The following PKP2 variants were observed in gnomAD, a reference collection of about 807,000 sequenced individuals.
The protein encoded by PKP2 is plakophilin 2, also known as plakophilin-2.
PKP2 carries 73 observed loss-of-function variants against 83.4 expected under a neutral mutation model. That is an observed-to-expected ratio of 0.88 (90% CI 0.72 to 1.06). PKP2 has a LOEUF of 1.06. Ranked by LOEUF, PKP2 falls within the 50% of genes least tolerant of loss-of-function variation. The pLI is 0.00. For missense variants in PKP2, 966 were observed against 1,065.4 expected, an observed-to-expected ratio of 0.91 and a Z score of 1.30; for synonymous variants, 409 against 430.4, an observed-to-expected ratio of 0.95 and a Z score of 0.62.
rs1212157546 is a variant in PKP2, at chr12:32,791,380, GTGA to G, written c.*1041_*1043del. 6.6e-6 allele frequency: 1 copy of G among 152,136 alleles called. No individual in the cohort carries two copies. The highest frequency in any genetic ancestry group is 1.5e-5 in the Non-Finnish European group (1 of 68,032). The allele number at this position is 152,136 out of a possible 1,614,324, so 9.4% of individuals were successfully genotyped here. On this transcript the variant is annotated 3_prime_UTR_variant, in exon 13 of 13. Coordinates refer to ENST00000340811, the MANE Select transcript of PKP2 (RefSeq NM_001005242.3). ...AGATCATATGAGATCTAGTGGCTCTGTGATATTTCTTAAATGGTGGGCAAGGCT... is the reference window on the plus strand; with the variant it reads ...AGATCATATGAGATCTAGTGGCTCTGTATTTCTTAAATGGTGGGCAAGGCT...
At chr12:32,850,349 C>T (rs1418908954) in intron 5 of PKP2, among the ~76,000 whole-genome samples, 1 of 152,020 alleles carries the variant, frequency 6.6e-6, no homozygotes, top group Non-Finnish European at 1.5e-5. Flanking sequence ...GTCAGGAGTT[C>T]GAGACCAGCC....
intron 6 of PKP2, among the ~76,000 whole-genome samples, chr12:32,830,372 CA>C (rs2137802271): frequency 6.6e-6 from 1 of 152,222 alleles, no homozygotes; most frequent in African/African-American, 2.4e-5. Flanking sequence ...AACTCGATGC[CA>C]AAAGAAGGCT....
intron 10 of PKP2, among the ~76,000 whole-genome samples, chr12:32,801,414 C>T (rs1012931030): frequency 1.8e-4 from 27 of 152,234 alleles, no homozygotes; most frequent in African/African-American, 2.4e-4. Flanking sequence ...GTGCCTATGG[C>T]GAGGTCTCTT....
intron 4 of PKP2, among the ~76,000 whole-genome samples, chr12:32,863,848 C>CA (rs34298556): frequency 1.3e-5 from 2 of 152,178 alleles, no homozygotes; most frequent in Non-Finnish European, 2.9e-5. Context: ...ACCCACAACT[C>CA]AAAATCAGAC....
chr12:32,857,583 C>A (rs937587587), intron 4 of PKP2, among the ~76,000 whole-genome samples: 2 of 152,152 alleles, frequency 1.3e-5, no homozygotes, highest in Admixed American at 6.5e-5. Context: ...TTCTCTTATA[C>A]ATACATTTAA....
chr12:32,857,452 G>A (rs1224638888), intron 4 of PKP2, among the ~76,000 whole-genome samples: 1 of 151,844 alleles, frequency 6.6e-6, no homozygotes, highest in Non-Finnish European at 1.5e-5. Context: ...GAGAGAGAGA[G>A]AGAGATCAAC....
In PKP2 at chr12:32,828,579, T is replaced by C. The variant is rs546706437; in HGVS notation, c.1557-4417A>G. Among the ~76,000 whole-genome samples, 303 of 152,352 alleles carry C rather than the reference T, an allele frequency of 2.0e-3. 1 individual carries two copies. The highest frequency in any genetic ancestry group is 7.0e-3 in the African/African-American group (291 of 41,590). On this transcript the variant is annotated intron_variant, in intron 6 of 12. Coordinates refer to ENST00000340811, the MANE Select transcript of PKP2 (RefSeq NM_001005242.3). The stretch of plus-strand genomic sequence containing the variant: ...AATTTCATTCTGGGAAATTCTGACC[T>C]GTGATTCTCATTTAAAATCAGAATT...
rs1381212810 is a variant in PKP2, at chr12:32,841,008, C to G, written c.1556+20G>C. The G allele has an allele frequency of 6.3e-7, 1 of 1,597,520 alleles. No homozygotes were observed. The highest frequency in any genetic ancestry group is 1.7e-5 in the Admixed American group (1 of 59,972). Reference sequence around the variant, plus strand: ...TTTTTTATTGCATCTTCTATCAGGGCAGGGTACAGGTAGCATTACCTTAGG... The same window carrying G: ...TTTTTTATTGCATCTTCTATCAGGGGAGGGTACAGGTAGCATTACCTTAGG... On this transcript the variant is annotated intron_variant, in intron 6 of 12. Coordinates refer to ENST00000340811, the MANE Select transcript of PKP2 (RefSeq NM_001005242.3).
At chr12:32,798,354 C>G (rs10844356) in intron 10 of PKP2, among the ~76,000 whole-genome samples, 31,213 of 151,654 alleles carry the variant, frequency 0.21, 3,878 homozygotes, top group East Asian at 0.57. Context: ...GCCTCCCAAA[C>G]TGCTGGGATT....
chr12:32,796,168 T>A lies in PKP2; in HGVS notation c.2298A>T (p.Ala766=), dbSNP rs770999774. The change falls in exon 11 of 13, where the codon GCA becomes GCT. Residue 766 remains alanine, a synonymous_variant. Coordinates refer to ENST00000340811, the MANE Select transcript of PKP2 (RefSeq NM_001005242.3). ...NNIIQNSYQN[A]RDLLNTGGIQ... ...TGCCCCCGGTGTTTAGAAGGTCGCG[T>A]GCATTCTGGTAACTGTTTTGGATTA... is the stretch of plus-strand genomic sequence containing the variant. 1 of 1,614,124 alleles carries A rather than the reference T, an allele frequency of 6.2e-7. No homozygotes were observed. The highest frequency in any genetic ancestry group is 8.5e-7 in the Non-Finnish European group (1 of 1,180,010).
chr12:32,826,707 T>C (rs922761544), intron 6 of PKP2, among the ~76,000 whole-genome samples: 1 of 152,196 alleles, frequency 6.6e-6, no homozygotes, highest in Admixed American at 6.5e-5. Context: ...CAAAGAATGA[T>C]CATTTCAACC....
At chr12:32,867,494 C>T (rs1429938686) in intron 4 of PKP2, among the ~76,000 whole-genome samples, 1 of 152,124 alleles carries the variant, frequency 6.6e-6, no homozygotes, top group Non-Finnish European at 1.5e-5. Flanking sequence ...CCTGTCAAAA[C>T]TATGTCAGAT....
intron 1 of PKP2, among the ~76,000 whole-genome samples, chr12:32,879,962 G>A (rs1956970708): frequency 1.3e-5 from 2 of 151,896 alleles, no homozygotes; most frequent in Non-Finnish European, 2.9e-5. Context: ...TCATTGTCTG[G>A]TTTAGCTGGT....
At chr12:32,808,986 CTCACCCAG>C (rs1956251682) in intron 9 of PKP2, among the ~76,000 whole-genome samples, 1 of 152,158 alleles carries the variant, frequency 6.6e-6, no homozygotes. Context: ...ATTGAAAGGT[CTCACCCAG>C]TCAGGAGGAA....
chr12:32,859,475 G>A (rs1956781158), intron 4 of PKP2, among the ~76,000 whole-genome samples: 2 of 151,840 alleles, frequency 1.3e-5, no homozygotes, highest in Non-Finnish European at 2.9e-5. Flanking sequence ...GTGTGTGTGT[G>A]TGACAGAGTC....
intron 3 of PKP2, among the ~76,000 whole-genome samples, chr12:32,871,887 G>T (rs901894396): frequency 6.6e-6 from 1 of 152,070 alleles, no homozygotes; most frequent in African/African-American, 2.4e-5. Context: ...AATCTTTTCT[G>T]TACCCCATCC....
chr12:32,819,579 AAC>A (rs1479932604), intron 9 of PKP2, among the ~76,000 whole-genome samples: 4 of 152,174 alleles, frequency 2.6e-5, no homozygotes, highest in African/African-American at 9.6e-5. Context: ...ACTATTACCC[AAC>A]ACAGGGATTT....
chr12:32,811,023 G>A lies in PKP2; in HGVS notation c.2014-8467C>T, dbSNP rs145362307. On this transcript the variant is annotated intron_variant, in intron 9 of 12. Coordinates refer to ENST00000340811, the MANE Select transcript of PKP2 (RefSeq NM_001005242.3). ...AATGAGAATTTCAGCTGGGAGATGA[G>A]CAGAACAGTTGTCATGTAATAACAA... Among the ~76,000 whole-genome samples, 3 of 152,332 alleles carry A rather than the reference G, an allele frequency of 2.0e-5. No homozygotes were observed. The East Asian group carries it at 5.8e-4, about 29-fold the overall frequency.
At chr12:32,817,776 T>G (rs1592735515) in intron 9 of PKP2, among the ~76,000 whole-genome samples, 1 of 152,156 alleles carries the variant, frequency 6.6e-6, no homozygotes. Flanking sequence ...TATTTTTGGG[T>G]AAGGTATGCG....
Sources: allele counts gnomAD v4.1 joint callset (sites outside exome capture counted in the v4.1 genomes callset), GRCh38; gene constraint gnomAD v4.1.1; transcripts MANE v1.5; gene names NCBI Gene and HGNC (gene_info 2026-07-23, HGNC 2026-07-21).